CA10: variants seen among roughly 807,000 people sequenced by gnomAD.
CA10 encodes carbonic anhydrase-related protein 10.
A neutral mutation model predicts 44.2 loss-of-function variants in CA10; 14 were observed. The ratio of observed to expected loss-of-function variants is 0.32; its 90% confidence interval spans 0.21 to 0.50. The LOEUF (loss-of-function observed/expected upper bound fraction) is 0.50, where lower values mean the gene tolerates loss of function less well. CA10 is among the 20% of genes least tolerant of loss of function. The pLI, the probability that CA10 is intolerant of heterozygous loss-of-function variation, is 0.99. For synonymous variants in CA10, 159 were observed against 141.6 expected (o/e 1.12, Z -0.87); for missense variants, 350 against 409.7 (o/e 0.85, Z 1.26).
intron 3 of CA10, among the ~76,000 whole-genome samples, chr17:51,893,081 T>C (rs1208156333): frequency 6.6e-6 from 1 of 151,574 alleles, no homozygotes; most frequent in Non-Finnish European, 1.5e-5. Flanking sequence ...ATCAGTATTA[T>C]TGTTATTGTT....
chr17:51,866,998 C>T (rs762149914), intron 3 of CA10, among the ~76,000 whole-genome samples: 48 of 151,964 alleles, frequency 3.2e-4, no homozygotes, highest in African/African-American at 2.9e-4. Flanking sequence ...TATGGATCCC[C>T]GGTATGAGGA....
At chr17:51,818,967 G>T (rs576475086) in intron 3 of CA10, among the ~76,000 whole-genome samples, 5 of 152,086 alleles carry the variant, frequency 3.3e-5, no homozygotes, top group African/African-American at 1.2e-4. Context: ...CCAACATAAG[G>T]CTCCCACATC....
intron 4 of CA10, among the ~76,000 whole-genome samples, chr17:51,658,878 C>T (rs1439795792): frequency 1.3e-5 from 2 of 152,162 alleles, no homozygotes; most frequent in African/African-American, 4.8e-5. Context: ...CACATTCAAG[C>T]ACATGCTATT....
intron 5 of CA10, 42 bp downstream of exon 5, chr17:51,653,599 G>A (rs1913659877): frequency 4.0e-6 from 4 of 1,006,170 alleles, no homozygotes; most frequent in Non-Finnish European, 6.4e-6. Flanking sequence ...TTCTGATTGA[G>A]GTGGGGATGG....
chr17:51,799,908 C>T (rs1428992719), intron 3 of CA10, among the ~76,000 whole-genome samples: 1 of 152,130 alleles, frequency 6.6e-6, no homozygotes, highest in Non-Finnish European at 1.5e-5. Flanking sequence ...TCATAGACTG[C>T]TTGGAGAAAT....
intron 3 of CA10, among the ~76,000 whole-genome samples, chr17:51,789,208 G>T (rs960937896): frequency 1.3e-5 from 2 of 152,014 alleles, no homozygotes; most frequent in African/African-American, 4.8e-5. Context: ...TAGAGAGGGG[G>T]TTTCACCACG....
intron 2 of CA10, among the ~76,000 whole-genome samples, chr17:52,031,526 T>A (rs1986466879): frequency 6.6e-6 from 1 of 152,164 alleles, no homozygotes; most frequent in Non-Finnish European, 1.5e-5. Flanking sequence ...TTTGACACTT[T>A]TAAATTATAG....
intron 3 of CA10, among the ~76,000 whole-genome samples, chr17:51,751,586 G>A (rs571737074): frequency 4.0e-4 from 61 of 152,232 alleles, no homozygotes; most frequent in African/African-American, 1.1e-3. Flanking sequence ...AAGGATTCTC[G>A]TTGATCTTTC....
intron 3 of CA10, among the ~76,000 whole-genome samples, chr17:51,897,369 T>C (rs546728425): frequency 3.4e-4 from 52 of 152,170 alleles, no homozygotes; most frequent in African/African-American, 1.2e-3. Context: ...GGAGATCAGA[T>C]GGTTGTAGGT....
chr17:51,986,701 C>T (rs897789313), intron 2 of CA10, among the ~76,000 whole-genome samples: 7 of 151,916 alleles, frequency 4.6e-5, no homozygotes. Flanking sequence ...CGGCTATGGA[C>T]ATGAGTAGAC....
In CA10 at chr17:52,026,203, G is replaced by A. The variant is rs116016740; in HGVS notation, c.136+46116C>T. Among the ~76,000 whole-genome samples the A allele has an allele frequency of 8.5e-3, 1,294 of 152,206 alleles. 16 individuals are homozygous for A. Among genetic ancestry groups the A allele is most frequent in the African/African-American group, 0.027 (1,129 of 41,534 alleles). The stretch of plus-strand genomic sequence containing the variant: ...GTCTTCCACTGAGGTGGAACAGAGT[G>A]ACATGGGTTAGGGGCCCCATGCAGC... On this transcript the variant is annotated intron_variant, in intron 2 of 8. Coordinates refer to ENST00000451037, the MANE Select transcript of CA10 (RefSeq NM_020178.5).
intron 3 of CA10, among the ~76,000 whole-genome samples, chr17:51,881,119 A>G (rs918890060): frequency 1.3e-5 from 2 of 151,772 alleles, no homozygotes; most frequent in Non-Finnish European, 2.9e-5. Context: ...TGGCGCCTGT[A>G]GTCCCAGCTA....
chr17:51,881,510 A>T (rs74813486), intron 3 of CA10, among the ~76,000 whole-genome samples: 14,463 of 152,112 alleles, frequency 0.095, 879 homozygotes, highest in African/African-American at 0.19. Flanking sequence ...AAAAAGAAAA[A>T]ATTTGCAACA....
At chr17:51,977,744 G>A (rs932461922) in intron 2 of CA10, among the ~76,000 whole-genome samples, 2 of 152,090 alleles carry the variant, frequency 1.3e-5, no homozygotes, top group African/African-American at 4.8e-5. Flanking sequence ...TAAAGCCATT[G>A]TTGTTTATAG....
At chr17:51,823,547 T>C (rs1907897214) in intron 3 of CA10, among the ~76,000 whole-genome samples, 1 of 152,264 alleles carries the variant, frequency 6.6e-6, no homozygotes, top group Non-Finnish European at 1.5e-5. Context: ...GAAGCCTAGT[T>C]GTGCTCACTG....
chr17:52,105,068 T>C (rs927981825), intron 1 of CA10, among the ~76,000 whole-genome samples: 7 of 152,066 alleles, frequency 4.6e-5, no homozygotes, highest in African/African-American at 1.7e-4. Flanking sequence ...TAGGGCAACA[T>C]GGGTAATTTT....
intron 1 of CA10, among the ~76,000 whole-genome samples, chr17:52,101,053 A>G (rs1385160168): frequency 6.6e-6 from 1 of 152,134 alleles, no homozygotes; most frequent in Non-Finnish European, 1.5e-5. Context: ...ACCTTCACAT[A>G]TTCCCCCAAG....
At chr17:51,664,463 ACAT>A (rs1402311383) in intron 4 of CA10, among the ~76,000 whole-genome samples, 1 of 152,018 alleles carries the variant, frequency 6.6e-6, no homozygotes, top group African/African-American at 2.4e-5. Flanking sequence ...AGGGACATGA[ACAT>A]CTCAATATGG....
chr17:52,055,421 A>C (rs35786030), intron 2 of CA10, among the ~76,000 whole-genome samples: 5 of 151,964 alleles, frequency 3.3e-5, no homozygotes, highest in African/African-American at 1.2e-4. Flanking sequence ...AATATATACC[A>C]CAATATGTGA....
Sources: gnomAD v4.1 joint callset for allele counts (sites outside exome capture counted in the v4.1 genomes callset) on GRCh38, gnomAD v4.1.1 for gene constraint, MANE v1.5 for transcripts, NCBI Gene and HGNC (gene_info 2026-07-23, HGNC 2026-07-21) for gene names.